GNPDA2: variants seen among roughly 807,000 people sequenced by gnomAD.
GNPDA2 encodes the protein glucosamine-6-phosphate deaminase 2, also known as glcN6P deaminase 2.
GNPDA2 carries 24 observed loss-of-function variants against 27.0 expected under a neutral mutation model. The observed-to-expected ratio is 0.89, with a 90% CI of 0.64 to 1.25. The LOEUF is 1.25. Among genes scored for constraint, GNPDA2 ranks in the 50% most tolerant of loss-of-function variants. GNPDA2 has a pLI of 0.00. For missense variants in GNPDA2, 286 were observed against 335.1 expected, an observed-to-expected ratio of 0.85 and a Z score of 1.14; for synonymous variants, 94 against 108.4, an observed-to-expected ratio of 0.87 and a Z score of 0.83.
intron 5 of GNPDA2, 69 bp from the exon 6 acceptor site, chr4:44,707,995 C>T (rs528750543): frequency 3.3e-5 from 36 of 1,099,244 alleles, no homozygotes; most frequent in East Asian, 2.0e-4. Flanking sequence ...TTTTTTTAAA[C>T]GAGAACTTAA....
chr4:44,723,105 G>A (rs1017550867), intron 1 of GNPDA2, among the ~76,000 whole-genome samples: 15 of 152,066 alleles, frequency 9.9e-5, no homozygotes, highest in Non-Finnish European at 2.1e-4. Context: ...ATTATTATAC[G>A]TATATTAAGA....
intron 4 of GNPDA2, chr4:44,714,738 A>G (rs1357344175): frequency 1.2e-6 from 1 of 831,680 alleles, no homozygotes; most frequent in Non-Finnish European, 1.4e-6. Context: ...ACCTAGATCA[A>G]CAAATGAGAT....
chr4:44,702,580 T>C lies in GNPDA2; in HGVS notation c.*501A>G. ...GATATATAGCACAATTTTTGATGTC[T>C]AGATGGTGCTGTAGGAAGATGACTA... On this transcript the variant is annotated 3_prime_UTR_variant, in exon 7 of 7. Coordinates refer to ENST00000295448, the MANE Select transcript of GNPDA2 (RefSeq NM_138335.3). The C allele has an allele frequency of 1.0e-6, 1 of 990,970 alleles. No individual in the cohort carries two copies. The highest frequency in any genetic ancestry group is 1.2e-6 in the Non-Finnish European group (1 of 833,718). 61.4% of individuals were successfully genotyped at this position (990,970 alleles called of 1,614,324 possible).
In GNPDA2 at chr4:44,717,108, C is replaced by T; in HGVS notation, c.409+5G>A. The stretch of plus-strand genomic sequence containing the variant: ...AACAGTTAATGACAAAAGGTTTTTA[C>T]ATACCTCCAACAAAAAGATCTATTC... On this transcript the variant is annotated splice_donor_5th_base_variant and intron_variant, in intron 4 of 6. Transcript: ENST00000295448. 6.3e-7 allele frequency: 1 copy of T among 1,590,540 alleles called. No homozygotes were observed.
intron 1 of GNPDA2, among the ~76,000 whole-genome samples, chr4:44,722,850 A>G (rs1717763563): frequency 6.6e-6 from 1 of 152,218 alleles, no homozygotes; most frequent in Admixed American, 6.5e-5. Flanking sequence ...AGTAAATAAA[A>G]TGCCCAGTTA....
At chr4:44,714,799 T>G (rs954705072) in intron 4 of GNPDA2, 1 of 303,312 alleles carries the variant, frequency 3.3e-6, no homozygotes, top group African/African-American at 2.3e-5. Flanking sequence ...AAGGAAAAGT[T>G]CAAAGAAAAT....
At position 44,702,824 on chromosome 4, in the gene GNPDA2, G is replaced by T; in HGVS notation, c.*257C>A. 7.7e-7 allele frequency: 1 copy of T among 1,294,510 alleles called. No homozygotes were observed. Among genetic ancestry groups the T allele is most frequent in the Non-Finnish European group, 9.8e-7 (1 of 1,025,088 alleles). The allele number at this position is 1,294,510 out of a possible 1,614,324, so 80.2% of individuals were successfully genotyped here. On this transcript the variant is annotated 3_prime_UTR_variant, in exon 7 of 7. Transcript: ENST00000295448. The stretch of plus-strand genomic sequence containing the variant: ...TTTTTAAACAGGCAGACATTTCTAT[G>T]CTGTTTTATAGGTGGCTATGTGACT...
chr4:44,722,359 T>C (rs1181272748), intron 1 of GNPDA2, 117 bp from the exon 2 acceptor site: 7 of 701,510 alleles, frequency 1.0e-5, no homozygotes, highest in African/African-American at 1.8e-5. Flanking sequence ...CTGATGATTT[T>C]TAAAAGTACA....
chr4:44,707,380 AG>A (rs1245849622), intron 6 of GNPDA2: 1 of 260,222 alleles, frequency 3.8e-6, no homozygotes, highest in Non-Finnish European at 7.2e-6. Flanking sequence ...GTTAGAGGGG[AG>A]TGAGGAAGAG....
At chr4:44,715,530 C>G (rs955886999) in intron 4 of GNPDA2, among the ~76,000 whole-genome samples, 3 of 151,902 alleles carry the variant, frequency 2.0e-5, no homozygotes, top group African/African-American at 7.3e-5. Context: ...GTAATTCTAC[C>G]AGATTTTGGT....
intron 5 of GNPDA2, among the ~76,000 whole-genome samples, chr4:44,709,300 C>G (rs1332090983): frequency 6.6e-6 from 1 of 152,048 alleles, no homozygotes; most frequent in African/African-American, 2.4e-5. Context: ...TGGTGTTTAT[C>G]TATGGCTAAG....
chr4:44,712,703 C>G (rs1223853904), intron 4 of GNPDA2, among the ~76,000 whole-genome samples: 3 of 152,112 alleles, frequency 2.0e-5, no homozygotes, highest in Non-Finnish European at 4.4e-5. Context: ...CTACTAAGAT[C>G]TACTACTACT....
chr4:44,712,086 T>C (rs1717015594), intron 4 of GNPDA2, among the ~76,000 whole-genome samples: 1 of 152,082 alleles, frequency 6.6e-6, no homozygotes, highest in Non-Finnish European at 1.5e-5. Flanking sequence ...GACAGGAATA[T>C]GACATTCTTA....
At chr4:44,724,111 C>G (rs1388561227) in intron 1 of GNPDA2, among the ~76,000 whole-genome samples, 1 of 152,066 alleles carries the variant, frequency 6.6e-6, no homozygotes, top group Non-Finnish European at 1.5e-5. Context: ...TCCTTTTGGT[C>G]TAGCTTTAGG....
intron 6 of GNPDA2, chr4:44,703,671 C>G: frequency 1.0e-6 from 1 of 984,078 alleles, no homozygotes; most frequent in Non-Finnish European, 1.2e-6. Context: ...TAAAACAAGA[C>G]AGAAAACAAC....
intron 1 of GNPDA2, among the ~76,000 whole-genome samples, chr4:44,722,939 C>T (rs1310174654): frequency 3.3e-5 from 5 of 152,052 alleles, no homozygotes; most frequent in African/African-American, 7.2e-5. Context: ...CAAATTATAA[C>T]AATAGGATCA....
intron 1 of GNPDA2, among the ~76,000 whole-genome samples, chr4:44,726,236 G>A (rs554766608): frequency 2.0e-5 from 3 of 148,224 alleles, no homozygotes; most frequent in Non-Finnish European, 4.5e-5. Context: ...AGCCGCGAGA[G>A]AGGAGAGGGC....
At position 44,722,073 on chromosome 4, in the gene GNPDA2, T is replaced by G. The variant is rs781481085; in HGVS notation, c.124+11A>C. On this transcript the variant is annotated intron_variant, in intron 2 of 6. Coordinates refer to ENST00000295448, the MANE Select transcript of GNPDA2 (RefSeq NM_138335.3). ...ATATCAGAATATAAAATGGAAAAAG[T>G]AGTTAATTACCTGTTGGTAAACCCA... is the stretch of plus-strand genomic sequence containing the variant. 3.2e-6 allele frequency: 5 copies of G among 1,582,634 alleles called. No homozygotes were observed. In the Admixed American group the frequency reaches 8.6e-5, roughly 27 times the overall value.
chr4:44,716,461 T>C (rs1039258809), intron 4 of GNPDA2, among the ~76,000 whole-genome samples: 11 of 151,856 alleles, frequency 7.2e-5, no homozygotes, highest in African/African-American at 1.9e-4. Context: ...ACACTGATAA[T>C]AGAAAACCAC....
Sources: allele counts gnomAD v4.1 joint callset (sites outside exome capture counted in the v4.1 genomes callset), GRCh38; gene constraint gnomAD v4.1.1; transcripts MANE v1.5; gene names NCBI Gene and HGNC (gene_info 2026-07-23, HGNC 2026-07-21).